EDEM3: variants seen among roughly 807,000 people sequenced by gnomAD.
The protein encoded by EDEM3 is ER degradation enhancing alpha-mannosidase like protein 3.
In EDEM3, 60 loss-of-function variants were observed where a neutral mutation model predicts 110.2. The observed-to-expected ratio is 0.54, with a 90% CI of 0.44 to 0.67. The LOEUF is 0.67. Among genes scored for constraint, EDEM3 ranks in the 30% least tolerant of loss-of-function variants. The pLI, the probability that EDEM3 is intolerant of heterozygous loss-of-function variation, is 0.00. For missense variants in EDEM3, 996 were observed against 1,121.0 expected, an observed-to-expected ratio of 0.89 and a Z score of 1.59; for synonymous variants, 352 against 382.9, an observed-to-expected ratio of 0.92 and a Z score of 0.94.
chr1:184,711,564 T>C (rs1205828549), intron 15 of EDEM3, among the ~76,000 whole-genome samples, 159 bp downstream of exon 15: 2 of 152,172 alleles, frequency 1.3e-5, no homozygotes, highest in Non-Finnish European at 2.9e-5. Flanking sequence ...ACTATCTAAC[T>C]TTACTACTAA....
intron 1 of EDEM3, among the ~76,000 whole-genome samples, chr1:184,750,360 C>T (rs1652688548): frequency 6.6e-6 from 1 of 152,142 alleles, no homozygotes; most frequent in African/African-American, 2.4e-5. Flanking sequence ...AAATCAAAAC[C>T]TGTAAGGTTG....
rs1212205982 is a variant in EDEM3, at chr1:184,690,997, A to T, written c.*3066T>A. 6.6e-6 allele frequency: 1 copy of T among 152,490 alleles called. No individual in the cohort carries two copies. The highest frequency in any genetic ancestry group is 1.5e-5 in the Non-Finnish European group (1 of 67,968). The allele number at this position is 152,490 out of a possible 1,614,324, so 9.4% of individuals were successfully genotyped here. A position where few individuals can be genotyped will look rare whatever the true frequency, so the allele number is the denominator to read the frequency against. Reference sequence around the variant, plus strand: ...ACTATAAAAAAGGTTGTGTGATGGTAATTTAAATTTTAAAAGCTTCTTGAG... The same window carrying T: ...ACTATAAAAAAGGTTGTGTGATGGTTATTTAAATTTTAAAAGCTTCTTGAG... On this transcript the variant is annotated 3_prime_UTR_variant, in exon 20 of 20. Transcript: ENST00000318130.
intron 2 of EDEM3, among the ~76,000 whole-genome samples, 189 bp downstream of exon 2, chr1:184,749,358 T>C (rs949728119): frequency 6.6e-6 from 1 of 152,170 alleles, no homozygotes; most frequent in African/African-American, 2.4e-5. Context: ...CTAATTTCAA[T>C]TTATTCTTAT....
chr1:184,729,453 A>C (rs891462232), intron 6 of EDEM3, among the ~76,000 whole-genome samples: 3 of 152,170 alleles, frequency 2.0e-5, no homozygotes, highest in African/African-American at 7.2e-5. Context: ...CTTATCTGAA[A>C]AGCTGGCAAG....
At chr1:184,753,674 C>T (rs1652905176) in intron 1 of EDEM3, among the ~76,000 whole-genome samples, 1 of 152,106 alleles carries the variant, frequency 6.6e-6, no homozygotes, top group Non-Finnish European at 1.5e-5. Flanking sequence ...GGGCAAAAAC[C>T]AGCTAGCTCC....
At position 184,749,569 on chromosome 1, in the gene EDEM3, T is replaced by C. The variant is rs777353823; in HGVS notation, c.182A>G (p.Asp61Gly). The C allele has an allele frequency of 1.2e-4, 186 of 1,547,516 alleles. No homozygotes were observed. The highest frequency in any genetic ancestry group is 1.6e-4 in the Non-Finnish European group (180 of 1,144,232). ...KLGNQVLEMFDHAYGNYMEHA... is the reference protein window; with the variant it reads ...KLGNQVLEMFGHAYGNYMEHA... ...TACCATATAGTTACCATAAGCATGATCAAACATTTCCAGTACTTGATTCCT... is the reference window on the plus strand; with the variant it reads ...TACCATATAGTTACCATAAGCATGACCAAACATTTCCAGTACTTGATTCCT... Residue 61 changes from aspartate to glycine, a missense_variant, in exon 2 of 20, where the codon GAT (aspartate) becomes GGT (glycine). Physicochemically the swap from Asp to Gly is moderately conservative, Grantham distance 94. Coordinates refer to ENST00000318130, the MANE Select transcript of EDEM3 (RefSeq NM_025191.4).
At position 184,703,084 on chromosome 1, in the gene EDEM3, CAG is replaced by C. The variant is rs1649718157; in HGVS notation, c.2204-90_2204-89del. On this transcript the variant is annotated intron_variant, in intron 18 of 19. Coordinates refer to ENST00000318130, the MANE Select transcript of EDEM3 (RefSeq NM_025191.4). ...AATTGTTACTGATTTTTTACAATGA[CAG>C]AATTAATTTTATGCATCAAGAACCA... 6 of 1,115,606 alleles carry C rather than the reference CAG, an allele frequency of 5.4e-6. 1 individual carries two copies. The South Asian group carries it at 6.7e-5, about 12-fold the overall frequency. 69.1% of individuals were successfully genotyped at this position (1,115,606 alleles called of 1,614,324 possible). A position where few individuals can be genotyped will look rare whatever the true frequency, so the allele number is the denominator to read the frequency against.
chr1:184,750,284 T>C (rs913483824), intron 1 of EDEM3, among the ~76,000 whole-genome samples: 4 of 152,198 alleles, frequency 2.6e-5, no homozygotes, highest in African/African-American at 9.7e-5. Flanking sequence ...GCGAATTCTG[T>C]TTCACAAAAT....
At position 184,714,258 on chromosome 1, in the gene EDEM3, T is replaced by A. The variant is rs1650421596; in HGVS notation, c.1371-1660A>T. Among the ~76,000 whole-genome samples the A allele has an allele frequency of 2.0e-5, 3 of 152,200 alleles. No individual in the cohort carries two copies. The South Asian group carries it at 6.2e-4, about 31-fold the overall frequency. On this transcript the variant is annotated intron_variant, in intron 13 of 19. Coordinates refer to ENST00000318130, the MANE Select transcript of EDEM3 (RefSeq NM_025191.4). Reference sequence around the variant, plus strand: ...CAAAGCTAGCAAGTTGAACATCAGATCATATGATCTATTTTATATTTTAAA... The same window carrying A: ...CAAAGCTAGCAAGTTGAACATCAGAACATATGATCTATTTTATATTTTAAA...
chr1:184,753,045 G>A (rs1043655865), intron 1 of EDEM3, among the ~76,000 whole-genome samples: 3 of 152,096 alleles, frequency 2.0e-5, no homozygotes, highest in Admixed American at 2.0e-4. Flanking sequence ...TGATACTTCA[G>A]CTTTTTTCCA....
rs1307000209 is a variant in EDEM3 at position 184,693,406 on chromosome 1, C to T, written c.*657G>A. 2 of 152,492 alleles carry T rather than the reference C, an allele frequency of 1.3e-5. No homozygotes were observed. Among genetic ancestry groups the T allele is most frequent in the African/African-American group, 4.8e-5 (2 of 41,412 alleles). 9.4% of individuals were successfully genotyped at this position (152,492 alleles called of 1,614,324 possible). On this transcript the variant is annotated 3_prime_UTR_variant, in exon 20 of 20. Coordinates refer to ENST00000318130, the MANE Select transcript of EDEM3 (RefSeq NM_025191.4). ...CACTGATTAGTCTTTATGCAGAGAA[C>T]TCACTGAGAAAGTACACTGGCTTCA...
At chr1:184,734,139 T>TCAA (rs1651690718) in intron 5 of EDEM3, among the ~76,000 whole-genome samples, 1 of 152,184 alleles carries the variant, frequency 6.6e-6, no homozygotes, top group Non-Finnish European at 1.5e-5. Flanking sequence ...ATGATTACCA[T>TCAA]CAAGAAATAA....
At chr1:184,750,123 G>GTT (rs1305602264) in intron 1 of EDEM3, among the ~76,000 whole-genome samples, 1 of 152,112 alleles carries the variant, frequency 6.6e-6, no homozygotes, top group Non-Finnish European at 1.5e-5. Flanking sequence ...CTAATGCCTA[G>GTT]TTTAAGTACA....
At chr1:184,740,949 G>A (rs1200407672) in intron 2 of EDEM3, among the ~76,000 whole-genome samples, 1 of 152,104 alleles carries the variant, frequency 6.6e-6, no homozygotes, top group Non-Finnish European at 1.5e-5. Context: ...AAGAGCAAAG[G>A]ACAAAATATT....
intron 16 of EDEM3, among the ~76,000 whole-genome samples, chr1:184,709,259 T>A (rs1650096459): frequency 1.3e-5 from 2 of 152,094 alleles, no homozygotes; most frequent in South Asian, 2.1e-4. Context: ...ATGCAAGATG[T>A]ATGAGAGGTA....
intron 19 of EDEM3, among the ~76,000 whole-genome samples, chr1:184,700,023 C>T (rs939120074): frequency 6.6e-6 from 1 of 151,868 alleles, no homozygotes; most frequent in African/African-American, 2.4e-5. Flanking sequence ...AAAAATGAAA[C>T]ACTGAGAGAT....
At chr1:184,698,287 T>G (rs1217959799) in intron 19 of EDEM3, among the ~76,000 whole-genome samples, 1 of 151,770 alleles carries the variant, frequency 6.6e-6, no homozygotes, top group Non-Finnish European at 1.5e-5. Context: ...CTCAATATTC[T>G]AGAAAAAGTA....
At chr1:184,740,563 T>C (rs1043877450) in intron 2 of EDEM3, among the ~76,000 whole-genome samples, 6 of 152,248 alleles carry the variant, frequency 3.9e-5, no homozygotes, top group Non-Finnish European at 8.8e-5. Context: ...GTTTACTCAG[T>C]TCACACAGAG....
intron 9 of EDEM3, 31 bp from the exon 10 acceptor site, chr1:184,719,599 T>A (rs1349659363): frequency 4.4e-6 from 7 of 1,606,728 alleles, no homozygotes; most frequent in Admixed American, 3.4e-5. Context: ...TTCATGAAAG[T>A]TAGATGAAAA....
Sources: allele counts gnomAD v4.1 joint callset (sites outside exome capture counted in the v4.1 genomes callset), GRCh38; gene constraint gnomAD v4.1.1; transcripts MANE v1.5; gene names NCBI Gene and HGNC (gene_info 2026-07-23, HGNC 2026-07-21).